The following TRIM44 variants were observed in gnomAD, a reference collection of about 807,000 sequenced individuals.
TRIM44 encodes the protein tripartite motif containing 44.
In TRIM44, 13 loss-of-function variants were observed where a neutral mutation model predicts 37.4. The observed-to-expected ratio is 0.35, with a 90% CI of 0.23 to 0.55. The LOEUF (loss-of-function observed/expected upper bound fraction) is 0.55, where lower values mean the gene tolerates loss of function less well. Ranked by LOEUF, TRIM44 falls within the 20% of genes least tolerant of loss-of-function variation. The pLI is 0.89. For synonymous variants in TRIM44, 175 were observed against 157.2 expected, an observed-to-expected ratio of 1.11 and a Z score of -0.85; for missense variants, 426 against 437.2, an observed-to-expected ratio of 0.97 and a Z score of 0.23.
rs1449512012 is a variant in TRIM44 at position 35,742,503 on chromosome 11, TTAAATA to T, written c.1007+7062_1007+7067del. Among the ~76,000 whole-genome samples, 59 of 129,848 alleles carry T rather than the reference TTAAATA, an allele frequency of 4.5e-4. No homozygotes were observed. In the South Asian group the frequency reaches 5.0e-3, roughly 11 times the overall value. 85.2% of individuals were successfully genotyped at this position (129,848 alleles called of 152,430 possible). A position where few individuals can be genotyped will look rare whatever the true frequency, so the allele number is the denominator to read the frequency against. ...ATTAATTGTATTATATATAATTATA[TTAAATA>T]TAATTATATTAATTGTATTATATAT... On this transcript the variant is annotated intron_variant, in intron 4 of 4. Coordinates refer to ENST00000299413, the MANE Select transcript of TRIM44 (RefSeq NM_017583.6).
At chr11:35,696,042 C>T (rs1280084613) in intron 2 of TRIM44, among the ~76,000 whole-genome samples, 1 of 151,778 alleles carries the variant, frequency 6.6e-6, no homozygotes, top group Non-Finnish European at 1.5e-5. Context: ...TTTTGGTACC[C>T]CATCAAATAT....
At chr11:35,686,382 T>G (rs901558871) in intron 2 of TRIM44, among the ~76,000 whole-genome samples, 1 of 151,574 alleles carries the variant, frequency 6.6e-6, no homozygotes, top group Middle Eastern at 3.2e-3. Flanking sequence ...TTGTTTTTTT[T>G]TTTTTTAAGA....
intron 4 of TRIM44, among the ~76,000 whole-genome samples, chr11:35,783,015 T>C (rs1182067471): frequency 2.6e-5 from 4 of 152,206 alleles, no homozygotes; most frequent in African/African-American, 7.2e-5. Flanking sequence ...TATTCACTGA[T>C]AACAAAAACA....
At chr11:35,688,882 A>AC (rs1313825319) in intron 2 of TRIM44, among the ~76,000 whole-genome samples, 1 of 152,178 alleles carries the variant, frequency 6.6e-6, no homozygotes, top group Admixed American at 6.5e-5. Flanking sequence ...TCTGTGCTGT[A>AC]CCTTAGCTGT....
chr11:35,742,723 AATTAT>A (rs1374306216), intron 4 of TRIM44, among the ~76,000 whole-genome samples: 3 of 137,602 alleles, frequency 2.2e-5, no homozygotes, highest in Non-Finnish European at 3.1e-5. Flanking sequence ...TATTAAATAT[AATTAT>A]ATTAAATATA....
At chr11:35,725,836 A>G in intron 2 of TRIM44, 88 bp from the exon 3 acceptor site, 2 of 1,448,358 alleles carry the variant, frequency 1.4e-6, no homozygotes, top group Non-Finnish European at 1.9e-6. Flanking sequence ...CATGGTGTGT[A>G]TTTTGGCCAG....
intron 1 of TRIM44, among the ~76,000 whole-genome samples, chr11:35,664,920 T>G (rs1851314792): frequency 2.0e-5 from 3 of 152,230 alleles, no homozygotes; most frequent in Non-Finnish European, 4.4e-5. Flanking sequence ...CCTTTATGCT[T>G]TTACTCCATG....
rs955507938 is a variant in TRIM44 at position 35,809,725 on chromosome 11, C to T, written c.*3340C>T. ...ATCTTCATATTTTAGTAAACTTAGC[C>T]GCCAGTGTACTCTGTGAGGATGTGG... On this transcript the variant is annotated 3_prime_UTR_variant, in exon 5 of 5. Coordinates refer to ENST00000299413, the MANE Select transcript of TRIM44 (RefSeq NM_017583.6). 1.1e-4 allele frequency: 16 copies of T among 152,080 alleles called. No homozygotes were observed. Among genetic ancestry groups the T allele is most frequent in the South Asian group, 2.1e-4 (1 of 4,824 alleles). 9.4% of individuals were successfully genotyped at this position (152,080 alleles called of 1,614,324 possible).
At chr11:35,697,259 T>G (rs964845362) in intron 2 of TRIM44, among the ~76,000 whole-genome samples, 7 of 131,894 alleles carry the variant, frequency 5.3e-5, no homozygotes, top group Non-Finnish European at 7.8e-5. Flanking sequence ...TTCCCCTTCC[T>G]GTGTGCATGT....
intron 4 of TRIM44, among the ~76,000 whole-genome samples, chr11:35,777,474 G>T (rs577767679): frequency 6.6e-6 from 1 of 152,142 alleles, no homozygotes; most frequent in African/African-American, 2.4e-5. Context: ...ATATTGTTAT[G>T]TGTGAATTTG....
chr11:35,813,040 C>T lies in TRIM44; in HGVS notation c.*6655C>T, dbSNP rs1853545034. On this transcript the variant is annotated 3_prime_UTR_variant, in exon 5 of 5. Transcript: ENST00000299413. ...AAACATGTTGAAGGCTCTCCAACAG[C>T]TTGACGTCAGGCCAGCTTCATATTC... 1 of 152,178 alleles carries T rather than the reference C, an allele frequency of 6.6e-6. No individual in the cohort carries two copies. Among genetic ancestry groups the T allele is most frequent in the South Asian group, 2.1e-4 (1 of 4,832 alleles). 9.4% of individuals were successfully genotyped at this position (152,178 alleles called of 1,614,324 possible).
chr11:35,770,928 T>C (rs1032290597), intron 4 of TRIM44, among the ~76,000 whole-genome samples: 2 of 152,186 alleles, frequency 1.3e-5, no homozygotes, highest in African/African-American at 2.4e-5. Flanking sequence ...TCCCCAGCCA[T>C]GTGGAACGCT....
intron 2 of TRIM44, among the ~76,000 whole-genome samples, chr11:35,706,733 C>A (rs2135504798): frequency 6.6e-6 from 1 of 151,932 alleles, no homozygotes; most frequent in Admixed American, 6.6e-5. Flanking sequence ...TAAAAACTCT[C>A]AATAAATTAG....
intron 2 of TRIM44, among the ~76,000 whole-genome samples, chr11:35,689,980 CAGTT>C (rs773192218): frequency 1.2e-4 from 18 of 152,190 alleles, no homozygotes; most frequent in South Asian, 4.1e-4. Flanking sequence ...TTGAAGCAAA[CAGTT>C]AGCACAGTTG....
At chr11:35,754,097 G>A (rs1565000045) in intron 4 of TRIM44, among the ~76,000 whole-genome samples, 1 of 151,930 alleles carries the variant, frequency 6.6e-6, no homozygotes, top group Non-Finnish European at 1.5e-5. Flanking sequence ...TAAGTGACTA[G>A]TAAGTACTAA....
Position 35,806,143 on chromosome 11 carries a change from A to AAAGT in TRIM44, c.1008-210_1008-207dup, listed in dbSNP as rs1243470989. On this transcript the variant is annotated intron_variant, in intron 4 of 4. Transcript: ENST00000299413. ...TTATTTAATCCTCTAGTAACTCAAG[A>AAAGT]AAGTAAGTTTTATCATCATTCCCCC... Among the ~76,000 whole-genome samples, 4 of 152,182 alleles carry AAAGT rather than the reference A, an allele frequency of 2.6e-5. No homozygotes were observed. In the East Asian group the frequency reaches 7.7e-4, roughly 29 times the overall value.
At chr11:35,668,705 C>T (rs1217271168) in intron 1 of TRIM44, among the ~76,000 whole-genome samples, 5 of 152,244 alleles carry the variant, frequency 3.3e-5, no homozygotes, top group African/African-American at 1.2e-4. Context: ...ATAAAATAAT[C>T]TATTTTCCTT....
At chr11:35,782,471 T>G (rs1853078776) in intron 4 of TRIM44, among the ~76,000 whole-genome samples, 1 of 152,108 alleles carries the variant, frequency 6.6e-6, no homozygotes, top group African/African-American at 2.4e-5. Flanking sequence ...ACAGAATAAA[T>G]TTGGAGATGA....
intron 2 of TRIM44, among the ~76,000 whole-genome samples, chr11:35,716,001 T>C (rs1852035999): frequency 6.6e-6 from 1 of 152,158 alleles, no homozygotes; most frequent in Non-Finnish European, 1.5e-5. Flanking sequence ...ACCTTCAACA[T>C]TGTGGATTAC....
Sources: gnomAD v4.1 joint callset for allele counts (sites outside exome capture counted in the v4.1 genomes callset) on GRCh38, gnomAD v4.1.1 for gene constraint, MANE v1.5 for transcripts, NCBI Gene and HGNC (gene_info 2026-07-23, HGNC 2026-07-21) for gene names.